KCNQ3: variants seen among roughly 807,000 people sequenced by gnomAD.
KCNQ3 encodes potassium voltage-gated channel subfamily KQT member 3.
Under a neutral mutation model 92.5 loss-of-function variants are expected in KCNQ3, and 30 were observed. The observed-to-expected ratio is 0.32, with a 90% CI of 0.24 to 0.44. The LOEUF is 0.44. Ranked by LOEUF, KCNQ3 falls within the 20% of genes least tolerant of loss-of-function variation. KCNQ3 has a pLI of 1.00. For synonymous variants in KCNQ3, 450 were observed against 468.8 expected (o/e 0.96, Z 0.52); for missense variants, 913 against 1,140.3 (o/e 0.80, Z 2.87).
At chr8:132,187,893 G>C (rs1360813583) in intron 1 of KCNQ3, among the ~76,000 whole-genome samples, 1 of 92,394 alleles carries the variant, frequency 1.1e-5, no homozygotes, top group Non-Finnish European at 2.2e-5. Flanking sequence ...TGGCGGTGGT[G>C]GTGGTGGTGA....
At chr8:132,160,014 G>A (rs144941632) in intron 9 of KCNQ3, among the ~76,000 whole-genome samples, 1 of 152,294 alleles carries the variant, frequency 6.6e-6, no homozygotes, top group East Asian at 1.9e-4. Context: ...TAGCCCCTTG[G>A]AGGCAACTGA....
intron 1 of KCNQ3, among the ~76,000 whole-genome samples, chr8:132,236,626 G>A (rs1258858585): frequency 6.6e-6 from 1 of 152,080 alleles, no homozygotes; most frequent in Admixed American, 6.5e-5. Flanking sequence ...TGGACCCCAA[G>A]ATTCTCTGTC....
intron 1 of KCNQ3, among the ~76,000 whole-genome samples, chr8:132,285,967 G>T (rs527272928): frequency 6.6e-6 from 1 of 152,284 alleles, no homozygotes; most frequent in South Asian, 2.1e-4. Context: ...AATGCAAATT[G>T]CAGACCTTGG....
At chr8:132,186,487 G>C (rs1826961183) in intron 1 of KCNQ3, 1 of 384,894 alleles carries the variant, frequency 2.6e-6, no homozygotes, top group African/African-American at 2.1e-5. Context: ...CGAGGACATT[G>C]CTGAAAGTCC....
At chr8:132,340,364 A>G (rs1391592769) in intron 1 of KCNQ3, among the ~76,000 whole-genome samples, 2 of 152,202 alleles carry the variant, frequency 1.3e-5, no homozygotes, top group East Asian at 3.8e-4. Flanking sequence ...ACCAACCCGA[A>G]TGCCTGTCAA....
At chr8:132,439,875 T>C (rs1186645886) in intron 1 of KCNQ3, among the ~76,000 whole-genome samples, 2 of 152,178 alleles carry the variant, frequency 1.3e-5, no homozygotes, top group Non-Finnish European at 1.5e-5. Flanking sequence ...AGCTGCTAAA[T>C]TTGTGGTAAT....
At chr8:132,477,233 C>T (rs1822434297) in intron 1 of KCNQ3, among the ~76,000 whole-genome samples, 1 of 151,892 alleles carries the variant, frequency 6.6e-6, no homozygotes, top group African/African-American at 2.4e-5. Flanking sequence ...CAGACTAATA[C>T]AGCATTTGAG....
intron 1 of KCNQ3, among the ~76,000 whole-genome samples, chr8:132,287,526 T>C (rs1040038212): frequency 6.6e-6 from 1 of 152,188 alleles, no homozygotes; most frequent in Non-Finnish European, 1.5e-5. Flanking sequence ...CAAATATCCA[T>C]GAGTGGATGA....
Position 132,141,667 on chromosome 8 carries a change from T to C in KCNQ3, c.1263-336A>G, listed in dbSNP as rs991447910. Among the ~76,000 whole-genome samples, 3 of 152,318 alleles carry C rather than the reference T, an allele frequency of 2.0e-5. No homozygotes were observed. In the East Asian group the frequency reaches 5.8e-4, roughly 29 times the overall value. On this transcript the variant is annotated intron_variant, in intron 9 of 14. Transcript: ENST00000388996. ...TCTTTCCCCATGCCCATTTCCTGCA[T>C]CAATAACTTCCTGCCTTTCCTGTGT...
chr8:132,276,650 C>T (rs1406786775), intron 1 of KCNQ3, among the ~76,000 whole-genome samples: 9 of 152,186 alleles, frequency 5.9e-5, no homozygotes, highest in East Asian at 1.9e-4. Context: ...CTCTGTTCTG[C>T]GGCTGCACCT....
At chr8:132,279,537 G>C (rs149334614) in intron 1 of KCNQ3, among the ~76,000 whole-genome samples, 3 of 152,276 alleles carry the variant, frequency 2.0e-5, no homozygotes, top group African/African-American at 7.2e-5. Context: ...CTCTGCAGTG[G>C]ACTCTACTTG....
chr8:132,455,352 C>T (rs544007345), intron 1 of KCNQ3, among the ~76,000 whole-genome samples: 29 of 152,348 alleles, frequency 1.9e-4, no homozygotes, highest in African/African-American at 7.0e-4. Flanking sequence ...CATGACTCTC[C>T]TATCTCAGCC....
chr8:132,131,755 G>A (rs1824885845), intron 14 of KCNQ3, among the ~76,000 whole-genome samples: 2 of 152,036 alleles, frequency 1.3e-5, no homozygotes, highest in South Asian at 2.1e-4. Flanking sequence ...TTTTTGAATG[G>A]TAGGTAGTAG....
At chr8:132,187,879 A>ATGG (rs1463399629) in intron 1 of KCNQ3, among the ~76,000 whole-genome samples, 1 of 112,768 alleles carries the variant, frequency 8.9e-6, no homozygotes, top group Non-Finnish European at 2.0e-5. Context: ...GGTGATAGTG[A>ATGG]TGGTGGCGGT....
At chr8:132,449,470 C>A (rs1406241316) in intron 1 of KCNQ3, among the ~76,000 whole-genome samples, 1 of 152,114 alleles carries the variant, frequency 6.6e-6, no homozygotes, top group Non-Finnish European at 1.5e-5. Flanking sequence ...CAGCAGGATG[C>A]TCCTACTCTG....
intron 1 of KCNQ3, among the ~76,000 whole-genome samples, chr8:132,465,714 A>G (rs1003242495): frequency 4.6e-5 from 7 of 152,180 alleles, no homozygotes; most frequent in African/African-American, 1.4e-4. Context: ...ACTGCACTCC[A>G]GCCTGGGCAA....
chr8:132,188,220 C>T (rs1827061276), intron 1 of KCNQ3, among the ~76,000 whole-genome samples: 1 of 152,134 alleles, frequency 6.6e-6, no homozygotes, highest in African/African-American at 2.4e-5. Context: ...TAGAGCTCAC[C>T]ATGATTCTGA....
At chr8:132,459,407 G>A (rs936031354) in intron 1 of KCNQ3, among the ~76,000 whole-genome samples, 1 of 152,156 alleles carries the variant, frequency 6.6e-6, no homozygotes, top group African/African-American at 2.4e-5. Flanking sequence ...TCCACTCATG[G>A]TAGAAAGGCA....
Position 132,258,807 on chromosome 8 carries a change from A to G in KCNQ3, c.387-72626T>C, listed in dbSNP as rs146211295. Among the ~76,000 whole-genome samples the G allele has an allele frequency of 5.9e-5, 9 of 152,196 alleles. No homozygotes were observed. In the East Asian group the frequency reaches 1.7e-3, roughly 29 times the overall value. On this transcript the variant is annotated intron_variant, in intron 1 of 14. Transcript: ENST00000388996. ...GATGACTCAAGTTACTAAAATTTGGAATGAAATAGAGAACATTACTAGTGG... is the reference window on the plus strand; with the variant it reads ...GATGACTCAAGTTACTAAAATTTGGGATGAAATAGAGAACATTACTAGTGG...
Sources: allele counts gnomAD v4.1 joint callset (sites outside exome capture counted in the v4.1 genomes callset), GRCh38; gene constraint gnomAD v4.1.1; transcripts MANE v1.5; gene names NCBI Gene and HGNC (gene_info 2026-07-23, HGNC 2026-07-21).